Variants in KIF9 observed in about 807,000 individuals in gnomAD.
KIF9 encodes the protein kinesin-like protein KIF9.
In KIF9, 68 loss-of-function variants were observed where a neutral mutation model predicts 94.8. The ratio of observed to expected loss-of-function variants is 0.72; its 90% CI spans 0.59 to 0.88. The LOEUF (loss-of-function observed/expected upper bound fraction) is 0.88, where lower values mean the gene tolerates loss of function less well. KIF9 is among the 40% of genes least tolerant of loss of function. The pLI, the probability that KIF9 is intolerant of heterozygous loss-of-function variation, is 0.00. For synonymous variants in KIF9, 343 were observed against 362.1 expected, an observed-to-expected ratio of 0.95 and a Z score of 0.60; for missense variants, 882 against 982.5, an observed-to-expected ratio of 0.90 and a Z score of 1.37.
chr3:47,235,617 C>G lies in KIF9; in HGVS notation c.2218G>C (p.Gly740Arg). ...MVPVNRIVSL[G>R]EDDQDKFSQL... ...CTGAATTTGTCCTGGTCATCTTCTCCCTGGGGGAGGACAGTCCCTTTAGCA... is the reference window on the plus strand; with the variant it reads ...CTGAATTTGTCCTGGTCATCTTCTCGCTGGGGGAGGACAGTCCCTTTAGCA... The change falls in exon 20 of 21, where the codon GGA (glycine) becomes CGA (arginine). Residue 740 changes from glycine (G) to arginine (R), a missense_variant and splice_region_variant. By Grantham distance (125) the Gly-to-Arg change is moderately radical. Coordinates refer to ENST00000684063, the MANE Select transcript of KIF9 (RefSeq NM_182902.4). 6.2e-7 allele frequency: 1 copy of G among 1,612,204 alleles called. No homozygotes were observed. The highest frequency in any genetic ancestry group is 8.5e-7 in the Non-Finnish European group (1 of 1,178,360).
chr3:47,235,500 G>C lies in KIF9; in HGVS notation c.2322+13C>G, dbSNP rs1559418874. 1 of 1,576,510 alleles carries C rather than the reference G, an allele frequency of 6.3e-7. No homozygotes were observed. The highest frequency in any genetic ancestry group is 1.3e-5 in the African/African-American group (1 of 74,304). On this transcript the variant is annotated intron_variant, in intron 20 of 20. Transcript: ENST00000684063. ...GGCCCCCATCCTCCTGGAGACATAGGCCTCTGAGTTACCTTCTGCTCTATC... is the reference window on the plus strand; with the variant it reads ...GGCCCCCATCCTCCTGGAGACATAGCCCTCTGAGTTACCTTCTGCTCTATC...
chr3:47,265,928 A>G, intron 7 of KIF9, 51 bp from the exon 8 acceptor site: 1 of 1,599,520 alleles, frequency 6.3e-7, no homozygotes, highest in Non-Finnish European at 8.6e-7. Context: ...CAGCTGCCCC[A>G]CTAAGAATAG....
chr3:47,254,073 C>T (rs1185662123), intron 10 of KIF9, among the ~76,000 whole-genome samples: 1 of 152,216 alleles, frequency 6.6e-6, no homozygotes, highest in Non-Finnish European at 1.5e-5. Context: ...TAAGAGGTTT[C>T]TACACATTAT....
At chr3:47,266,843 A>C in intron 7 of KIF9, 133 bp downstream of exon 7, 1 of 730,788 alleles carries the variant, frequency 1.4e-6, no homozygotes, top group Admixed American at 2.3e-5. Context: ...CAGCAAGCCC[A>C]CATGTCCCAC....
At chr3:47,272,518 A>G (rs1450811432) in intron 4 of KIF9, among the ~76,000 whole-genome samples, 3 of 152,208 alleles carry the variant, frequency 2.0e-5, no homozygotes, top group African/African-American at 7.2e-5. Context: ...TTCTGATAAT[A>G]TTTATGCCTA....
chr3:47,266,169 A>G (rs1701279252), intron 7 of KIF9: 1 of 319,682 alleles, frequency 3.1e-6, no homozygotes, highest in Admixed American at 4.3e-5. Context: ...CACTAATATG[A>G]ATATGTACTG....
chr3:47,241,043 G>A lies in KIF9; in HGVS notation c.1710-28C>T, dbSNP rs562162608. 42 of 1,596,258 alleles carry A rather than the reference G, an allele frequency of 2.6e-5. 1 individual carries two copies. Among genetic ancestry groups the A allele is most frequent in the Middle Eastern group, 3.3e-4 (2 of 6,018 alleles). On this transcript the variant is annotated intron_variant, in intron 16 of 20. Coordinates refer to ENST00000684063, the MANE Select transcript of KIF9 (RefSeq NM_182902.4). Reference sequence around the variant, plus strand: ...TGAGATGAAAAGGTGAGACCAAAGAGGATAAATGAGGTGGCTGCCTTGGAG... The same window carrying A: ...TGAGATGAAAAGGTGAGACCAAAGAAGATAAATGAGGTGGCTGCCTTGGAG...
At chr3:47,246,809 C>T (rs1699953965) in intron 12 of KIF9, among the ~76,000 whole-genome samples, 1 of 152,146 alleles carries the variant, frequency 6.6e-6, no homozygotes, top group Non-Finnish European at 1.5e-5. Context: ...GCCTGCTTCT[C>T]GGAGCTGCCC....
At position 47,228,464 on chromosome 3, in the gene KIF9, G is replaced by A. The variant is rs985463601; in HGVS notation, c.*188C>T. 1 of 655,956 alleles carries A rather than the reference G, an allele frequency of 1.5e-6. No homozygotes were observed. The highest frequency in any genetic ancestry group is 2.5e-5 in the East Asian group (1 of 39,626). The allele number at this position is 655,956 out of a possible 1,614,324, so 40.6% of individuals were successfully genotyped here. A position where few individuals can be genotyped will look rare whatever the true frequency, so the allele number is the denominator to read the frequency against. ...AAGACAGTGAATTAAAACCCAAAGTGCTCTGTGGAGATGAGCAAGGTTGTC... is the reference window on the plus strand; with the variant it reads ...AAGACAGTGAATTAAAACCCAAAGTACTCTGTGGAGATGAGCAAGGTTGTC... On this transcript the variant is annotated 3_prime_UTR_variant, in exon 21 of 21. Coordinates refer to ENST00000684063, the MANE Select transcript of KIF9 (RefSeq NM_182902.4).
intron 4 of KIF9, 62 bp downstream of exon 4, chr3:47,273,490 G>C (rs1701771947): frequency 7.5e-7 from 1 of 1,335,974 alleles, no homozygotes; most frequent in South Asian, 1.4e-5. Context: ...CCCAGGGTCA[G>C]TAACATCTAT....
intron 20 of KIF9, 116 bp from the exon 21 acceptor site, chr3:47,228,818 T>C (rs1211713728): frequency 5.0e-6 from 4 of 808,016 alleles, no homozygotes; most frequent in African/African-American, 3.4e-5. Flanking sequence ...TCATGGGTTG[T>C]GGACAAGGAT....
At chr3:47,270,337 A>G (rs1268164303) in intron 5 of KIF9, among the ~76,000 whole-genome samples, 1 of 148,040 alleles carries the variant, frequency 6.8e-6, no homozygotes, top group Non-Finnish European at 1.5e-5. Flanking sequence ...CACTGCAACC[A>G]GTGCCTCCCG....
At chr3:47,281,092 C>T (rs1373720581) in intron 1 of KIF9, 7 of 698,790 alleles carry the variant, frequency 1.0e-5, no homozygotes, top group South Asian at 6.0e-5. Flanking sequence ...GGGCAGAGCC[C>T]AGCACAGAGT....
intron 16 of KIF9, 47 bp from the exon 17 acceptor site, chr3:47,241,062 C>T: frequency 6.6e-7 from 1 of 1,521,550 alleles, no homozygotes; most frequent in Non-Finnish European, 9.1e-7. Flanking sequence ...AGGTGGCTGC[C>T]TTGGAGCCAC....
chr3:47,272,943 A>T (rs1267624654), intron 4 of KIF9, among the ~76,000 whole-genome samples: 2 of 152,240 alleles, frequency 1.3e-5, no homozygotes, highest in Non-Finnish European at 2.9e-5. Flanking sequence ...CTTATAGGAC[A>T]GGGCTGTAAA....
chr3:47,236,192 G>T, intron 18 of KIF9, 43 bp from the exon 19 acceptor site: 1 of 1,411,276 alleles, frequency 7.1e-7, no homozygotes, highest in Non-Finnish European at 1.0e-6. Flanking sequence ...AGCCGGTAAG[G>T]GCTGTGTGCT....
At position 47,240,823 on chromosome 3, in the gene KIF9, C is replaced by G. The variant is rs200005957; in HGVS notation, c.1902G>C (p.Gln634His). 3.3e-4 allele frequency: 529 copies of G among 1,614,070 alleles called. No individual in the cohort carries two copies. The highest frequency in any genetic ancestry group is 4.1e-4 in the Non-Finnish European group (478 of 1,180,014). ...TACCTTGCTTCTCCCGTAGTGACTTCTGGAAATTCAGGGCCTCCTTGGTCA... is the reference window on the plus strand; with the variant it reads ...TACCTTGCTTCTCCCGTAGTGACTTGTGGAAATTCAGGGCCTCCTTGGTCA... ...IDVTKEALNF[Q>H]KSLREKQGKY... The change falls in exon 17 of 21, where the codon CAG becomes CAC. Residue 634 changes from glutamine (Q) to histidine (H), a missense_variant. Physicochemically the swap from Gln to His is conservative, Grantham distance 24. Transcript: ENST00000684063.
Position 47,237,035 on chromosome 3 carries a change from TTATTAA to T in KIF9, c.1925-422_1925-417del, listed in dbSNP as rs571279409. Among the ~76,000 whole-genome samples the T allele has an allele frequency of 1.3e-4, 20 of 152,372 alleles. No homozygotes were observed. In the South Asian group the frequency reaches 4.1e-3, roughly 32 times the overall value. On this transcript the variant is annotated intron_variant, in intron 17 of 20. Coordinates refer to ENST00000684063, the MANE Select transcript of KIF9 (RefSeq NM_182902.4). ...CTACAAGGCACTTGGGCAAGGCTCC[TTATTAA>T]TAACAGCAGATGTTCAAATTGTCTC...
chr3:47,277,172 C>T, intron 2 of KIF9, 110 bp downstream of exon 2: 1 of 694,294 alleles, frequency 1.4e-6, no homozygotes, highest in Non-Finnish European at 2.5e-6. Context: ...TCCATTGGAT[C>T]CTGTCCAATT....
Sources: gnomAD v4.1 joint callset for allele counts (sites outside exome capture counted in the v4.1 genomes callset) on GRCh38, gnomAD v4.1.1 for gene constraint, MANE v1.5 for transcripts, NCBI Gene and HGNC (gene_info 2026-07-23, HGNC 2026-07-21) for gene names.